SHISA9: variants seen among roughly 807,000 people sequenced by gnomAD.
SHISA9 encodes shisa family member 9.
A neutral mutation model predicts 38.0 loss-of-function variants in SHISA9; 13 were observed. The ratio of observed to expected loss-of-function variants is 0.34; its 90% confidence interval spans 0.22 to 0.54. The LOEUF (loss-of-function observed/expected upper bound fraction) is 0.54, where lower values mean the gene tolerates loss of function less well. SHISA9 is among the 20% of genes least tolerant of loss of function. The probability of loss-of-function intolerance (pLI) is 0.91; values close to 1 mark genes in which losing one functional copy is unlikely to be tolerated. For missense variants in SHISA9, 538 were observed against 575.8 expected (o/e 0.93, Z 0.67); for synonymous variants, 275 against 242.0 (o/e 1.14, Z -1.27).
At position 13,235,160 on chromosome 16, in the gene SHISA9, T is replaced by C. The variant is rs1247495320; in HGVS notation, c.1026T>C (p.Pro342=). The C allele has an allele frequency of 1.9e-6, 3 of 1,551,734 alleles. No homozygotes were observed. In the African/African-American group the frequency reaches 4.1e-5, roughly 21 times the overall value. ...GGGCCTTCAGCCCTGAGCACGGTCC[T>C]GCCAAGCAGAATGGACAGAAGTCCC... is the stretch of plus-strand genomic sequence containing the variant. ...EPRAFSPEHG[P]AKQNGQKSRT... The change falls in exon 5 of 5, where the codon CCT becomes CCC. Residue 342 remains proline, a synonymous_variant. Transcript: ENST00000558583.
At chr16:12,956,905 A>T (rs1223746587) in intron 2 of SHISA9, among the ~76,000 whole-genome samples, 1 of 152,208 alleles carries the variant, frequency 6.6e-6, no homozygotes, top group African/African-American at 2.4e-5. Context: ...TTAGATATAT[A>T]TGAAACCTAG....
chr16:13,093,004 T>C (rs562370163), intron 2 of SHISA9, among the ~76,000 whole-genome samples: 4 of 152,308 alleles, frequency 2.6e-5, no homozygotes, highest in African/African-American at 4.8e-5. Flanking sequence ...CCATTAGAGA[T>C]GTGATATGAA....
At chr16:12,906,619 C>T (rs2071098506) in intron 1 of SHISA9, among the ~76,000 whole-genome samples, 1 of 152,208 alleles carries the variant, frequency 6.6e-6, no homozygotes. Flanking sequence ...GCTTGATCTG[C>T]AAGGTATTTC....
chr16:12,943,318 TGTGTGTGTGTGTGAGAGAGAGA>T (rs1567347584), intron 2 of SHISA9, among the ~76,000 whole-genome samples: 37 of 26,326 alleles, frequency 1.4e-3, no homozygotes, highest in African/African-American at 4.1e-3. Flanking sequence ...TGTGTGTGTG[TGTGTGTGTGTGTGAGAGAGAGA>T]GAGAGAGAGA....
chr16:13,245,084 T>C (rs2051462158), downstream of SHISA9, among the ~76,000 whole-genome samples: 1 of 151,964 alleles, frequency 6.6e-6, no homozygotes, highest in Non-Finnish European at 1.5e-5. Context: ...CCCAGCTAAT[T>C]TTCTGTATTT....
chr16:12,930,249 A>G (rs2071446223), intron 2 of SHISA9, among the ~76,000 whole-genome samples: 4 of 152,228 alleles, frequency 2.6e-5, no homozygotes, highest in Admixed American at 1.3e-4. Flanking sequence ...TACTGAGCAC[A>G]TTTTATCAAG....
the SHISA9 span, among the ~76,000 whole-genome samples, chr16:13,512,830 C>T: frequency 6.6e-6 from 1 of 151,906 alleles, no homozygotes; most frequent in Admixed American, 6.6e-5. Flanking sequence ...AACTGGACCC[C>T]ATCCTTATAC....
chr16:13,261,608 G>A, the SHISA9 span, among the ~76,000 whole-genome samples: 3 of 152,114 alleles, frequency 2.0e-5, no homozygotes, highest in African/African-American at 7.2e-5. Flanking sequence ...CTTGCAGTGC[G>A]ATTAAATTCA....
At chr16:13,000,076 C>T (rs373785411) in intron 2 of SHISA9, among the ~76,000 whole-genome samples, 40 of 152,268 alleles carry the variant, frequency 2.6e-4, no homozygotes, top group African/African-American at 7.5e-4. Context: ...GTCTTTTTTA[C>T]GCATAAGTGT....
Position 12,902,953 on chromosome 16 carries a change from C to T in SHISA9, c.563+326C>T, listed in dbSNP as rs533365008. On this transcript the variant is annotated intron_variant, in intron 1 of 4. Transcript: ENST00000558583. ...CACGTAGCCTGGGAGCCCGTGGCCC[C>T]GAAATCTTCGGGTTTGGGGAGAGGG... 1.4e-5 allele frequency: 4 copies of T among 296,284 alleles called. No individual in the cohort carries two copies. The South Asian group carries it at 3.1e-4, about 23-fold the overall frequency. The allele number at this position is 296,284 out of a possible 1,614,324, so 18.4% of individuals were successfully genotyped here. A position where few individuals can be genotyped will look rare whatever the true frequency, so the allele number is the denominator to read the frequency against.
chr16:12,910,717 C>A, intron 1 of SHISA9: 1 of 985,212 alleles, frequency 1.0e-6, no homozygotes, highest in Non-Finnish European at 1.2e-6. Context: ...TTAGCTTCTT[C>A]TTCAGGTAAC....
chr16:12,955,315 A>G (rs1048665838), intron 2 of SHISA9, among the ~76,000 whole-genome samples: 2 of 152,100 alleles, frequency 1.3e-5, no homozygotes, highest in African/African-American at 2.4e-5. Flanking sequence ...CCCTCCAACC[A>G]ATGGCCTCCT....
At chr16:13,444,809 A>G in the SHISA9 span, among the ~76,000 whole-genome samples, 1 of 144,394 alleles carries the variant, frequency 6.9e-6, no homozygotes, top group Non-Finnish European at 1.5e-5. Context: ...TCTTCCCTCC[A>G]TCTTCCCTTC....
chr16:13,045,142 T>G (rs2073172441), intron 2 of SHISA9, among the ~76,000 whole-genome samples: 3 of 152,200 alleles, frequency 2.0e-5, no homozygotes, highest in Admixed American at 6.5e-5. Flanking sequence ...GGGAATAATT[T>G]AAAGTTTAAG....
rs553697918 is a variant in SHISA9, at chr16:13,028,389, G to A, written c.691+111574G>A. ...AGACTGGGCAATTTATAAAGAGAAA[G>A]AGGTTGAATGGACTCACAGTTCCAC... is the stretch of plus-strand genomic sequence containing the variant. On this transcript the variant is annotated intron_variant, in intron 2 of 4. Coordinates refer to ENST00000558583, the MANE Select transcript of SHISA9 (RefSeq NM_001145204.3). 4.6e-5 allele frequency among the ~76,000 whole-genome samples: 7 copies of A among 152,274 alleles called. No individual in the cohort carries two copies. In the East Asian group the frequency reaches 1.4e-3, roughly 29 times the overall value.
chr16:13,285,436 A>G, the SHISA9 span, among the ~76,000 whole-genome samples: 1 of 138,258 alleles, frequency 7.2e-6, no homozygotes, highest in South Asian at 2.4e-4. Context: ...GCAGATTTAG[A>G]TTATAAATGC....
chr16:13,318,681 G>T, the SHISA9 span, among the ~76,000 whole-genome samples: 1 of 152,160 alleles, frequency 6.6e-6, no homozygotes, highest in Non-Finnish European at 1.5e-5. Flanking sequence ...GGACCACTGT[G>T]GTGGATCAAC....
chr16:13,425,820 CTTGT>C, the SHISA9 span, among the ~76,000 whole-genome samples: 1 of 152,076 alleles, frequency 6.6e-6, no homozygotes, highest in Non-Finnish European at 1.5e-5. Flanking sequence ...TTGTTATTTG[CTTGT>C]TTGTTTCTTC....
At chr16:13,452,435 G>C in the SHISA9 span, among the ~76,000 whole-genome samples, 2 of 152,104 alleles carry the variant, frequency 1.3e-5, no homozygotes, top group East Asian at 3.9e-4. Flanking sequence ...TGACAACTCT[G>C]AAAAGAGCTG....
Sources: allele counts gnomAD v4.1 joint callset (sites outside exome capture counted in the v4.1 genomes callset), GRCh38; gene constraint gnomAD v4.1.1; transcripts MANE v1.5; gene names NCBI Gene and HGNC (gene_info 2026-07-23, HGNC 2026-07-21).